GRM6: variants seen among roughly 807,000 people sequenced by gnomAD.
The protein encoded by GRM6 is glutamate metabotropic receptor 6, also known as metabotropic glutamate receptor 6.
In GRM6, 73 loss-of-function variants were observed where a neutral mutation model predicts 78.4. The ratio of observed to expected loss-of-function variants is 0.93; its 90% CI spans 0.77 to 1.13. The LOEUF is 1.13. Among genes scored for constraint, GRM6 ranks in the 50% most tolerant of loss-of-function variants. The pLI, the probability that GRM6 is intolerant of heterozygous loss-of-function variation, is 0.00. For missense variants in GRM6, 1,251 were observed against 1,256.4 expected (o/e 1.00, Z 0.07); for synonymous variants, 580 against 555.0 (o/e 1.05, Z -0.63).
chr5:178,984,606 G>A (rs914816570), intron 9 of GRM6, among the ~76,000 whole-genome samples: 2 of 152,170 alleles, frequency 1.3e-5, no homozygotes, highest in African/African-American at 2.4e-5. Flanking sequence ...ATCTCCACCT[G>A]AGGGTGGGGG....
In GRM6 at chr5:178,988,059, C is replaced by T. The variant is rs1001952128; in HGVS notation, c.1354+876G>A. Among the ~76,000 whole-genome samples the T allele has an allele frequency of 7.2e-5, 11 of 152,128 alleles. No homozygotes were observed. The highest frequency in any genetic ancestry group is 1.3e-4 in the Admixed American group (2 of 15,272). The stretch of plus-strand genomic sequence containing the variant: ...ACAGGAGTGAGCCATTGCGCCCAGA[C>T]TGAATGTATTTAATATCACTGAACT... On this transcript the variant is annotated intron_variant, in intron 7 of 10. Transcript: ENST00000517717. The surrounding 1 kb of genome is among the most constrained non-coding windows in gnomAD (Gnocchi z 6.0).
At chr5:178,990,472 G>C in intron 5 of GRM6, 120 bp downstream of exon 5, 1 of 856,842 alleles carries the variant, frequency 1.2e-6, no homozygotes, top group East Asian at 2.5e-5. Flanking sequence ...CATAGGATCT[G>C]GGGATCTGAG....
In GRM6 at chr5:178,987,602, G is replaced by C. The variant is rs558509653; in HGVS notation, c.1355-619C>G. On this transcript the variant is annotated intron_variant, in intron 7 of 10. Transcript: ENST00000517717. ...TGATGCCACCACAGGAGGTACCGAG[G>C]GTAGACAATTCATAGAGAGGGGCCG... 216 of 374,934 alleles carry C rather than the reference G, an allele frequency of 5.8e-4. 4 individuals are homozygous for C. Among genetic ancestry groups the C allele is most frequent in the South Asian group, 3.4e-3 (170 of 49,882 alleles). 23.2% of individuals were successfully genotyped at this position (374,934 alleles called of 1,614,324 possible).
intron 10 of GRM6, among the ~76,000 whole-genome samples, chr5:178,982,486 G>A (rs938240830): frequency 1.1e-4 from 16 of 146,912 alleles, no homozygotes; most frequent in African/African-American, 4.0e-4. Flanking sequence ...GCTGAGGCTG[G>A]AGAATCACTT....
At chr5:178,982,886 G>C (rs774360587) in intron 10 of GRM6, 24 bp downstream of exon 10, 1 of 1,568,332 alleles carries the variant, frequency 6.4e-7, no homozygotes, top group Non-Finnish European at 8.8e-7. Context: ...AACAGGCAGC[G>C]AGACCTCCTG....
intron 9 of GRM6, chr5:178,985,718 A>AAAC (rs754279924): frequency 5.2e-4 from 220 of 421,006 alleles, no homozygotes; most frequent in African/African-American, 4.3e-3. Flanking sequence ...AAAAAAACAA[A>AAAC]ACAACACAGG....
At chr5:178,983,665 A>C (rs1760453025) in intron 9 of GRM6, 1 of 359,598 alleles carries the variant, frequency 2.8e-6, no homozygotes, top group Non-Finnish European at 5.5e-6. Flanking sequence ...AAATCAGGGC[A>C]CGCCACAGGC....
Position 178,992,723 on chromosome 5 carries a change from A to G in GRM6, c.505-640T>C, listed in dbSNP as rs1760703516. On this transcript the variant is annotated intron_variant, in intron 2 of 10. Transcript: ENST00000517717. This position sits in a 1 kb window ranked among gnomAD's most constrained non-coding sequence, Gnocchi z 4.9. The stretch of plus-strand genomic sequence containing the variant: ...GAGGGGGCTATGGGGCTCCAGCGCA[A>G]GAGGGGCTATAGCAGGAGCTGGTGT... Among the ~76,000 whole-genome samples, 1 of 151,876 alleles carries G rather than the reference A, an allele frequency of 6.6e-6. No individual in the cohort carries two copies. Among genetic ancestry groups the G allele is most frequent in the South Asian group, 2.1e-4 (1 of 4,810 alleles).
chr5:178,990,892 AG>A, intron 4 of GRM6, 146 bp from the exon 5 acceptor site: 1 of 693,344 alleles, frequency 1.4e-6, no homozygotes, highest in South Asian at 1.9e-5. Context: ...GGGGGCATTT[AG>A]GGCACCTTCC....
chr5:178,982,828 A>G (rs763374526), intron 10 of GRM6, 82 bp downstream of exon 10: 35 of 984,520 alleles, frequency 3.6e-5, no homozygotes, highest in Middle Eastern at 2.7e-4. Context: ...CAAAAGCACG[A>G]ACAAGCATTT....
intron 5 of GRM6, chr5:178,989,954 C>T (rs1417947092): frequency 9.7e-6 from 2 of 205,924 alleles, no homozygotes; most frequent in South Asian, 9.3e-5. Context: ...ATGCCTTTAT[C>T]GCTAAAACTA....
At chr5:178,994,077 A>G (rs1760729640) in intron 2 of GRM6, among the ~76,000 whole-genome samples, 2 of 152,180 alleles carry the variant, frequency 1.3e-5, no homozygotes, top group African/African-American at 4.8e-5. Context: ...CCGCAGGCCC[A>G]GGGGGCAGGA....
At chr5:178,985,554 T>C (rs1274310058) in intron 9 of GRM6, 7 of 336,302 alleles carry the variant, frequency 2.1e-5, no homozygotes, top group Admixed American at 4.1e-5. Context: ...ATACAAAAAA[T>C]TAGCCGGGCG....
Position 178,991,518 on chromosome 5 carries a change from G to A in GRM6, c.763C>T (p.Pro255Ser). Reference sequence around the variant, plus strand: ...ACCTTGCTGAACTCTCCTGGCTTTGGTTCCCTGGGAATCTTGATAGACTGG... The same window carrying A: ...ACCTTGCTGAACTCTCCTGGCTTTGATTCCCTGGGAATCTTGATAGACTGG... ...IAQSIKIPRE[P>S]KPGEFSKVIR... is the part of the protein sequence containing the mutation. The change falls in exon 4 of 11, where the codon CCA becomes TCA. Residue 255 changes from proline (P) to serine (S), a missense_variant. By Grantham distance (74) the Pro-to-Ser change is moderately conservative. Transcript: ENST00000517717. The surrounding 1 kb of genome is among the most constrained non-coding windows in gnomAD (Gnocchi z 5.0). 6.2e-7 allele frequency: 1 copy of A among 1,613,836 alleles called. No homozygotes were observed. Among genetic ancestry groups the A allele is most frequent in the Non-Finnish European group, 8.5e-7 (1 of 1,179,836 alleles).
At chr5:178,985,592 A>C (rs775624892) in intron 9 of GRM6, 85 of 347,964 alleles carry the variant, frequency 2.4e-4, no homozygotes, top group East Asian at 8.9e-4. Context: ...AGTCCCAGCT[A>C]CTCGGGAGGC....
chr5:178,986,051 T>C, intron 9 of GRM6, 79 bp downstream of exon 9: 1 of 1,353,050 alleles, frequency 7.4e-7, no homozygotes, highest in South Asian at 1.4e-5. Context: ...CGTGTGCCAC[T>C]GTGCCTGGCC....
At chr5:178,987,099 A>G (rs1760582585) in intron 7 of GRM6, 116 bp from the exon 8 acceptor site, 1 of 1,070,140 alleles carries the variant, frequency 9.3e-7, no homozygotes, top group Non-Finnish European at 1.4e-6. Context: ...CACTGCTCAT[A>G]AGGGACGTGC....
chr5:178,985,434 C>T lies in GRM6; in HGVS notation c.2124+696G>A, dbSNP rs142115119. On this transcript the variant is annotated intron_variant, in intron 9 of 10. Coordinates refer to ENST00000517717, the MANE Select transcript of GRM6 (RefSeq NM_000843.4). ...AAAAAAAAAAACTCACTGGGCGCAG[C>T]GGCTCCCGCCTGTCATCCCAGCACT... is the stretch of plus-strand genomic sequence containing the variant. The T allele has an allele frequency of 3.2e-3, 1,149 of 353,680 alleles. 5 individuals carry two copies. Among genetic ancestry groups the T allele is most frequent in the African/African-American group, 0.012 (567 of 45,782 alleles). 21.9% of individuals were successfully genotyped at this position (353,680 alleles called of 1,614,324 possible). A position where few individuals can be genotyped will look rare whatever the true frequency, so the allele number is the denominator to read the frequency against.
chr5:178,989,135 C>A lies in GRM6; in HGVS notation c.1154G>T (p.Gly385Val). The change falls in exon 7 of 11, where the codon GGC becomes GTC. Residue 385 changes from glycine (G) to valine (V), a missense_variant and splice_region_variant. Gly to Val is a moderately radical substitution (Grantham distance 109). Transcript: ENST00000517717. ...QSDDSTRKCTGEERIGRDSTY... is the reference protein window; with the variant it reads ...QSDDSTRKCTVEERIGRDSTY... ...GGAGTCCCGGCCGATGCGTTCCTCG[C>A]CTGTCCTAGGGATGCCCAGAGAAAG... 2 of 1,613,722 alleles carry A rather than the reference C, an allele frequency of 1.2e-6. No individual in the cohort carries two copies. The highest frequency in any genetic ancestry group is 1.7e-6 in the Non-Finnish European group (2 of 1,179,840).
Sources: allele counts gnomAD v4.1 joint callset (sites outside exome capture counted in the v4.1 genomes callset), GRCh38; gene constraint gnomAD v4.1.1; non-coding constraint Gnocchi (gnomAD v3.1); transcripts MANE v1.5; gene names NCBI Gene and HGNC (gene_info 2026-07-23, HGNC 2026-07-21).